The following PCDHA4 variants were observed in gnomAD, a reference collection of about 807,000 sequenced individuals.
PCDHA4 encodes protocadherin alpha-4.
A neutral mutation model predicts 61.4 loss-of-function variants in PCDHA4; 49 were observed. That is an observed-to-expected ratio of 0.80 (90% confidence interval 0.63 to 1.01). The LOEUF (loss-of-function observed/expected upper bound fraction) is 1.01, where lower values mean the gene tolerates loss of function less well. Ranked by LOEUF, PCDHA4 falls within the 50% of genes least tolerant of loss-of-function variation. The pLI, the probability that PCDHA4 is intolerant of heterozygous loss-of-function variation, is 0.00. For synonymous variants in PCDHA4, 590 were observed against 550.3 expected, an observed-to-expected ratio of 1.07 and a Z score of -1.01; for missense variants, 1,254 against 1,235.8, an observed-to-expected ratio of 1.01 and a Z score of -0.22.
rs2098417657 is a variant in PCDHA4, at chr5:141,010,566, C to T, written c.*629C>T. 3.4e-6 allele frequency: 1 copy of T among 290,180 alleles called. No individual in the cohort carries two copies. The highest frequency in any genetic ancestry group is 6.5e-6 in the Non-Finnish European group (1 of 154,226). The allele number at this position is 290,180 out of a possible 1,614,324, so 18.0% of individuals were successfully genotyped here. ...GACAAAACTACCCCCACTGACAAGG[C>T]TTTAGGAGACCCTAAAGTCTGTTGG... On this transcript the variant is annotated 3_prime_UTR_variant, in exon 4 of 4. Coordinates refer to ENST00000530339, the MANE Select transcript of PCDHA4 (RefSeq NM_018907.4).
intron 1 of PCDHA4, chr5:140,882,427 G>A: frequency 6.2e-7 from 1 of 1,614,090 alleles, no homozygotes; most frequent in Non-Finnish European, 8.5e-7. Flanking sequence ...AGGACCTGGG[G>A]CTGGAGCTGG....
At chr5:140,874,202 T>C (rs11741879) in intron 1 of PCDHA4, among the ~76,000 whole-genome samples, 12,321 of 152,316 alleles carry the variant, frequency 0.081, 541 homozygotes, top group Middle Eastern at 0.13. Context: ...TTCAGTTGCC[T>C]TTATTATTAT....
chr5:140,820,470 G>A (rs1260477668), intron 1 of PCDHA4, among the ~76,000 whole-genome samples: 2 of 151,808 alleles, frequency 1.3e-5, no homozygotes, highest in African/African-American at 4.8e-5. Flanking sequence ...CACAGGTAAG[G>A]GATATTTTGT....
chr5:140,928,540 G>T lies in PCDHA4; in HGVS notation c.2386-50409G>T, dbSNP rs1554205973. 4 of 1,614,094 alleles carry T rather than the reference G, an allele frequency of 2.5e-6. No homozygotes were observed. In the Admixed American group the frequency reaches 5.0e-5, roughly 20 times the overall value. On this transcript the variant is annotated intron_variant, in intron 1 of 3. Coordinates refer to ENST00000530339, the MANE Select transcript of PCDHA4 (RefSeq NM_018907.4). The stretch of plus-strand genomic sequence containing the variant: ...AAACTTGTTTGTGGTAGATAGGAAT[G>T]ACAATTATCCGGTTATCTTGTTTCC...
intron 1 of PCDHA4, chr5:140,812,952 T>C (rs1202412188): frequency 6.6e-6 from 1 of 152,232 alleles, no homozygotes; most frequent in Non-Finnish European, 1.5e-5. Flanking sequence ...GATTTTCCAG[T>C]TTTAATTCCA....
At chr5:140,827,304 G>A (rs2150147020) in intron 1 of PCDHA4, among the ~76,000 whole-genome samples, 2 of 152,160 alleles carry the variant, frequency 1.3e-5, no homozygotes, top group East Asian at 1.9e-4. Flanking sequence ...AAAGCACAAT[G>A]GGTAGAAATT....
chr5:140,858,262 G>A lies in PCDHA4; in HGVS notation c.2385+48690G>A. On this transcript the variant is annotated intron_variant, in intron 1 of 3. Coordinates refer to ENST00000530339, the MANE Select transcript of PCDHA4 (RefSeq NM_018907.4). Reference sequence around the variant, plus strand: ...GTGGGCCGGTGAAGCCCACGCTGGTGTGCTCTAGCGCGGTGGGGAGCTGGT... The same window carrying A: ...GTGGGCCGGTGAAGCCCACGCTGGTATGCTCTAGCGCGGTGGGGAGCTGGT... 2 of 1,597,236 alleles carry A rather than the reference G, an allele frequency of 1.3e-6. 1 individual carries two copies.
intron 1 of PCDHA4, among the ~76,000 whole-genome samples, chr5:140,840,138 T>C (rs1477164844): frequency 2.6e-5 from 4 of 151,960 alleles, no homozygotes; most frequent in Non-Finnish European, 4.4e-5. Flanking sequence ...GGACAGAAAT[T>C]ATCACACGTG....
chr5:140,999,505 A>C (rs1221080631), intron 3 of PCDHA4, among the ~76,000 whole-genome samples: 3 of 152,134 alleles, frequency 2.0e-5, no homozygotes, highest in African/African-American at 7.2e-5. Flanking sequence ...AAGAACCTAC[A>C]TTTTAAGCAT....
chr5:140,994,377 G>T (rs1260163825), intron 3 of PCDHA4, among the ~76,000 whole-genome samples: 3 of 152,098 alleles, frequency 2.0e-5, no homozygotes, highest in Non-Finnish European at 4.4e-5. Context: ...GGAAATTCAG[G>T]GGACTAAGTC....
In PCDHA4 at chr5:140,807,674, G is replaced by T. The variant is rs782061737; in HGVS notation, c.487G>T (p.Gly163Trp). Reference sequence around the variant, plus strand: ...AGAGGGCGCCTCGGATGCAGATATCGGGGAGAACGCCCTGCTCACTTACAG... The same window carrying T: ...AGAGGGCGCCTCGGATGCAGATATCTGGGAGAACGCCCTGCTCACTTACAG... ...PLEGASDADI[G>W]ENALLTYRLS... The change falls in exon 1 of 4, where the codon GGG becomes TGG. Residue 163 changes from glycine to tryptophan, a missense_variant. Gly to Trp is a radical substitution (Grantham distance 184, BLOSUM62 -2). Coordinates refer to ENST00000530339, the MANE Select transcript of PCDHA4 (RefSeq NM_018907.4). The T allele has an allele frequency of 3.2e-5, 52 of 1,614,088 alleles. No homozygotes were observed. In the South Asian group the frequency reaches 4.9e-4, roughly 15 times the overall value.
intron 3 of PCDHA4, among the ~76,000 whole-genome samples, chr5:140,993,524 A>ACGGG (rs2097569997): frequency 2.0e-5 from 3 of 147,314 alleles, no homozygotes; most frequent in Admixed American, 2.0e-4. Flanking sequence ...AGAGAGAGAC[A>ACGGG]GAGAGAGAGA....
At chr5:140,871,408 A>C (rs1053262394) in intron 1 of PCDHA4, 2 of 1,613,986 alleles carry the variant, frequency 1.2e-6, no homozygotes, top group African/African-American at 2.7e-5. Flanking sequence ...GACGGACCTC[A>C]TGGCCTTCAG....
At chr5:140,835,822 G>A (rs2150245895) in intron 1 of PCDHA4, 5 of 1,612,688 alleles carry the variant, frequency 3.1e-6, no homozygotes, top group South Asian at 2.2e-5. Context: ...GTGTCGGCGG[G>A]GGACGCGGAC....
intron 3 of PCDHA4, among the ~76,000 whole-genome samples, chr5:141,005,605 G>A (rs1366861614): frequency 7.3e-5 from 11 of 150,146 alleles, no homozygotes; most frequent in African/African-American, 2.7e-4. Context: ...AGGAGGCTGA[G>A]GCAGGAGAAT....
chr5:140,969,826 A>G (rs782339572), intron 1 of PCDHA4, among the ~76,000 whole-genome samples: 24 of 152,344 alleles, frequency 1.6e-4, no homozygotes, highest in Middle Eastern at 3.4e-3. Flanking sequence ...TGGACTGTCT[A>G]CAGTGGAAAT....
intron 1 of PCDHA4, chr5:140,828,129 G>A (rs2150151215): frequency 3.7e-6 from 6 of 1,613,446 alleles, no homozygotes; most frequent in Non-Finnish European, 5.1e-6. Flanking sequence ...GGAAAGCAAT[G>A]TCTGCTCCTC....
intron 1 of PCDHA4, chr5:140,835,670 C>T (rs1554135177): frequency 5.6e-6 from 9 of 1,613,734 alleles, no homozygotes; most frequent in African/African-American, 1.3e-5. Context: ...CCGCGCGGGA[C>T]GGGGGCTCGC....
intron 1 of PCDHA4, chr5:140,835,640 C>G: frequency 5.6e-6 from 9 of 1,613,888 alleles, no homozygotes; most frequent in South Asian, 1.1e-5. Context: ...AGAGTGTGTC[C>G]GCCTATGAGC....
Sources: gnomAD v4.1 joint callset for allele counts (sites outside exome capture counted in the v4.1 genomes callset) on GRCh38, gnomAD v4.1.1 for gene constraint, MANE v1.5 for transcripts, NCBI Gene and HGNC (gene_info 2026-07-23, HGNC 2026-07-21) for gene names.